Variants in OSBPL8 observed in about 807,000 individuals in gnomAD.
The protein encoded by OSBPL8 is oxysterol binding protein like 8.
Under a neutral mutation model 125.5 loss-of-function variants are expected in OSBPL8, and 59 were observed. That is an observed-to-expected ratio of 0.47 (90% CI 0.38 to 0.58). The LOEUF is 0.58. OSBPL8 is among the 20% of genes least tolerant of loss of function. The pLI, the probability that OSBPL8 is intolerant of heterozygous loss-of-function variation, is 0.00. For missense variants in OSBPL8, 758 were observed against 1,047.8 expected (o/e 0.72, Z 3.82); for synonymous variants, 330 against 338.9 (o/e 0.97, Z 0.29).
intron 2 of OSBPL8, among the ~76,000 whole-genome samples, chr12:76,487,059 T>A (rs1392478080): frequency 6.8e-6 from 1 of 146,454 alleles, no homozygotes; most frequent in Non-Finnish European, 1.5e-5. Flanking sequence ...AGACCGAGTC[T>A]GACTTTGTCG....
chr12:76,425,636 G>T (rs189419088), intron 4 of OSBPL8, among the ~76,000 whole-genome samples: 113 of 152,242 alleles, frequency 7.4e-4, no homozygotes, highest in African/African-American at 2.6e-3. Context: ...CAAGTTCTTT[G>T]TTGACACTGG....
chr12:76,387,268 T>A (rs189631173), intron 12 of OSBPL8, among the ~76,000 whole-genome samples: 1 of 152,204 alleles, frequency 6.6e-6, no homozygotes, highest in African/African-American at 2.4e-5. Context: ...TATAGGATTT[T>A]ATGGGTATGC....
chr12:76,528,487 T>C (rs941288090), intron 1 of OSBPL8, among the ~76,000 whole-genome samples: 2 of 152,168 alleles, frequency 1.3e-5, no homozygotes, highest in African/African-American at 4.8e-5. Flanking sequence ...AATCCTTTTA[T>C]ATTTTATATA....
intron 2 of OSBPL8, among the ~76,000 whole-genome samples, chr12:76,485,177 C>G (rs1416728274): frequency 6.6e-6 from 1 of 152,050 alleles, no homozygotes; most frequent in African/African-American, 2.4e-5. Flanking sequence ...CCCGCCTCAG[C>G]CTCCCAAAGT....
chr12:76,376,794 A>G (rs1048372173), intron 16 of OSBPL8, among the ~76,000 whole-genome samples: 1 of 152,092 alleles, frequency 6.6e-6, no homozygotes, highest in African/African-American at 2.4e-5. Flanking sequence ...AGATTTCTCA[A>G]CTGTGTGTTC....
chr12:76,400,262 G>A (rs1290603551), intron 6 of OSBPL8, among the ~76,000 whole-genome samples: 3 of 152,164 alleles, frequency 2.0e-5, no homozygotes, highest in Admixed American at 1.3e-4. Flanking sequence ...AGAACATGCA[G>A]TATTGGTTTC....
At position 76,355,986 on chromosome 12, in the gene OSBPL8, C is replaced by T; in HGVS notation, c.2573G>A (p.Ser858Asn). The T allele has an allele frequency of 6.2e-7, 1 of 1,612,766 alleles. No individual in the cohort carries two copies. The highest frequency in any genetic ancestry group is 8.5e-7 in the Non-Finnish European group (1 of 1,179,406). The change falls in exon 24 of 24, where the codon AGC (serine) becomes AAC (asparagine). Residue 858 changes from serine (S) to asparagine (N), a missense_variant. Transcript: ENST00000261183. ...CAGAAAATAATCCGTGGCCGGTGTG[C>T]TTGAAACTAAATGATTTCGAAGAGC... ...IMALRNHLVS[S>N]TPATDYFLQQ...
intron 2 of OSBPL8, among the ~76,000 whole-genome samples, chr12:76,468,755 T>C (rs1301419113): frequency 6.6e-6 from 1 of 152,242 alleles, no homozygotes; most frequent in Admixed American, 6.5e-5. Flanking sequence ...AATAATTCAA[T>C]TGTTATTTAA....
intron 4 of OSBPL8, among the ~76,000 whole-genome samples, chr12:76,436,472 C>T (rs773780412): frequency 2.6e-5 from 4 of 151,822 alleles, no homozygotes; most frequent in Non-Finnish European, 5.9e-5. Context: ...TCCACCCCCC[C>T]GCCCAATATC....
At chr12:76,496,544 AT>A (rs111991150) in intron 1 of OSBPL8, among the ~76,000 whole-genome samples, 341 of 139,344 alleles carry the variant, frequency 2.4e-3, no homozygotes, top group African/African-American at 2.6e-3. Flanking sequence ...TGGCTAATAC[AT>A]TTTTTTTTTT....
intron 8 of OSBPL8, among the ~76,000 whole-genome samples, chr12:76,396,778 A>G (rs1953823966): frequency 6.6e-6 from 1 of 151,852 alleles, no homozygotes; most frequent in South Asian, 2.1e-4. Context: ...ACACAAAACC[A>G]CTTAAACTTG....
At chr12:76,396,979 T>G (rs2136327064) in intron 8 of OSBPL8, among the ~76,000 whole-genome samples, 1 of 151,914 alleles carries the variant, frequency 6.6e-6, no homozygotes, top group East Asian at 2.0e-4. Context: ...CATACTTGGC[T>G]AATTTTTGTA....
At chr12:76,415,404 G>C (rs35191784) in intron 4 of OSBPL8, among the ~76,000 whole-genome samples, 31,459 of 151,556 alleles carry the variant, frequency 0.21, 3,507 homozygotes, top group Non-Finnish European at 0.27. Context: ...CATGCCACCA[G>C]GCCCAGCTAA....
chr12:76,543,219 T>C (rs1306468138), intron 1 of OSBPL8, among the ~76,000 whole-genome samples: 1 of 152,102 alleles, frequency 6.6e-6, no homozygotes, highest in Non-Finnish European at 1.5e-5. Flanking sequence ...CTGAAATCTA[T>C]TGAATTAATG....
At chr12:76,495,482 G>A (rs921259726) in intron 1 of OSBPL8, among the ~76,000 whole-genome samples, 1 of 152,178 alleles carries the variant, frequency 6.6e-6, no homozygotes, top group Non-Finnish European at 1.5e-5. Flanking sequence ...AAAGTGTTTG[G>A]GGGAAACTGC....
intron 10 of OSBPL8, among the ~76,000 whole-genome samples, chr12:76,391,581 C>G (rs1301776269): frequency 3.9e-5 from 6 of 152,048 alleles, no homozygotes. Context: ...GAGACTATGT[C>G]TCAATAAATA....
At chr12:76,511,673 T>C (rs531710308) in intron 1 of OSBPL8, among the ~76,000 whole-genome samples, 45 of 152,306 alleles carry the variant, frequency 3.0e-4, no homozygotes, top group Non-Finnish European at 4.3e-4. Context: ...ATTCTACAGG[T>C]TGTCTGTTTA....
intron 21 of OSBPL8, among the ~76,000 whole-genome samples, chr12:76,363,663 T>A (rs1271506928): frequency 6.6e-6 from 1 of 151,976 alleles, no homozygotes; most frequent in Non-Finnish European, 1.5e-5. Flanking sequence ...ACAAATGGGA[T>A]CTAATTAAAC....
At chr12:76,538,818 CAT>C (rs1555240435) in intron 1 of OSBPL8, among the ~76,000 whole-genome samples, 1 of 151,636 alleles carries the variant, frequency 6.6e-6, no homozygotes, top group Non-Finnish European at 1.5e-5. Flanking sequence ...TGTGGTGGCA[CAT>C]GTCTGTAGTC....
Sources: gnomAD v4.1 joint callset for allele counts (sites outside exome capture counted in the v4.1 genomes callset) on GRCh38, gnomAD v4.1.1 for gene constraint, MANE v1.5 for transcripts, NCBI Gene and HGNC (gene_info 2026-07-23, HGNC 2026-07-21) for gene names.